CYP2F1: variants seen among roughly 807,000 people sequenced by gnomAD.
The protein encoded by CYP2F1 is cytochrome P450 family 2 subfamily F member 1.
CYP2F1 carries 33 observed loss-of-function variants against 40.4 expected under a neutral mutation model. The observed-to-expected ratio is 0.82, with a 90% CI of 0.62 to 1.09. The LOEUF is 1.09. CYP2F1 is among the 50% of genes least tolerant of loss of function. The pLI is 0.00. For missense variants in CYP2F1, 566 were observed against 655.7 expected, an observed-to-expected ratio of 0.86 and a Z score of 1.49; for synonymous variants, 235 against 277.2, an observed-to-expected ratio of 0.85 and a Z score of 1.51.
chr19:41,120,539 T>A, intron 4 of CYP2F1, 43 bp downstream of exon 4: 1 of 1,603,032 alleles, frequency 6.2e-7, no homozygotes, highest in Non-Finnish European at 8.5e-7. Context: ...CGATCTTTTT[T>A]TTTTTTAACA....
chr19:41,117,838 ATT>A (rs2031913245), intron 3 of CYP2F1, among the ~76,000 whole-genome samples: 1 of 70,910 alleles, frequency 1.4e-5, no homozygotes, highest in African/African-American at 5.2e-5. Context: ...AACTTTATTT[ATT>A]TATTTATTTA....
In CYP2F1 at chr19:41,128,173, C is replaced by T. The variant is rs553479743; in HGVS notation, c.*91C>T. ...TTCTTGGTCCACAGTCTGCCCTCAT[C>T]CCTCTGGCAGTCACGCTGTCTTCCC... On this transcript the variant is annotated 3_prime_UTR_variant, in exon 10 of 10. Coordinates refer to ENST00000331105, the MANE Select transcript of CYP2F1 (RefSeq NM_000774.5). 3.7e-5 allele frequency: 48 copies of T among 1,302,990 alleles called. 3 individuals carry two copies. In the East Asian group the frequency reaches 1.2e-3, roughly 31 times the overall value. 80.7% of individuals were successfully genotyped at this position (1,302,990 alleles called of 1,614,324 possible). A position where few individuals can be genotyped will look rare whatever the true frequency, so the allele number is the denominator to read the frequency against.
In CYP2F1 at chr19:41,116,531, C is replaced by T. The variant is rs1232929345; in HGVS notation, c.248C>T (p.Ala83Val). ...RRVVVLSGYQ[A>V]VKEALVDQGE... is the part of the protein sequence containing the mutation. ...GTGGTGGTCCTCAGCGGGTACCAAG[C>T]TGTGAAGGAGGCCCTGGTGGACCAG... Residue 83 changes from alanine to valine, a missense_variant, in exon 3 of 10, where the codon GCT (alanine) becomes GTT (valine). Around this residue, in one of 5 missense-constraint regions of CYP2F1, gnomAD observed 264 missense variants for 275.7 expected, o/e 0.96. Transcript: ENST00000331105. The T allele has an allele frequency of 2.5e-6, 4 of 1,613,890 alleles. No individual in the cohort carries two copies. The highest frequency in any genetic ancestry group is 3.4e-6 in the Non-Finnish European group (4 of 1,179,996).
At position 41,124,251 on chromosome 19, in the gene CYP2F1, C is replaced by CG. The variant is rs1318960899; in HGVS notation, c.965-468_965-467insG. 6.6e-4 allele frequency among the ~76,000 whole-genome samples: 68 copies of CG among 103,292 alleles called. 3 individuals are homozygous for CG. The highest frequency in any genetic ancestry group is 1.2e-3 in the South Asian group (3 of 2,420). 67.8% of individuals were successfully genotyped at this position (103,292 alleles called of 152,430 possible). A position where few individuals can be genotyped will look rare whatever the true frequency, so the allele number is the denominator to read the frequency against. ...TCTTTTTTTTTTTTCCTCTTCCCCC[C>CG]CCCCTTTTTTTTTTTTTTTTTTTTT... is the stretch of plus-strand genomic sequence containing the variant. On this transcript the variant is annotated intron_variant, in intron 7 of 9. Transcript: ENST00000331105.
intron 1 of CYP2F1, among the ~76,000 whole-genome samples, chr19:41,115,687 T>C (rs919856330): frequency 6.6e-6 from 1 of 150,780 alleles, no homozygotes; most frequent in Non-Finnish European, 1.5e-5. Context: ...AGACAGATGA[T>C]AGATGATAGA....
intron 3 of CYP2F1, among the ~76,000 whole-genome samples, chr19:41,117,841 T>C (rs1336959365): frequency 6.6e-5 from 10 of 151,716 alleles, no homozygotes; most frequent in Non-Finnish European, 1.0e-4. Context: ...TTTATTTATT[T>C]ATTTATTTAT....
At chr19:41,126,411 A>G (rs11879583) in intron 9 of CYP2F1, among the ~76,000 whole-genome samples, 36,272 of 151,610 alleles carry the variant, frequency 0.24, 4,674 homozygotes, top group African/African-American at 0.34. Flanking sequence ...GGCAACAAGA[A>G]CAAAACTCCA....
chr19:41,120,222 C>T (rs1009290405), intron 3 of CYP2F1, 125 bp from the exon 4 acceptor site: 1 of 946,470 alleles, frequency 1.1e-6, no homozygotes. Context: ...GAAGGGCTTA[C>T]TGGAAGGAGC....
Position 41,127,969 on chromosome 19 carries a change from C to T in CYP2F1, c.1363C>T (p.Gln455Ter). Reference sequence around the variant, plus strand: ...CTTTCTGTACCTCACCGCCATCCTGCAGAGCTTTTCGCTGCAGCCGCTGGG... The same window carrying T: ...CTTTCTGTACCTCACCGCCATCCTGTAGAGCTTTTCGCTGCAGCCGCTGGG... The part of the protein sequence containing the change: ...ELFLYLTAIL[Q>*]SFSLQPLGAP... Residue 455 changes from glutamine to a stop codon, truncating the protein, a stop_gained, in exon 10 of 10, where the codon CAG (glutamine) becomes TAG (stop). Transcript: ENST00000331105. LOFTEE classifies it low-confidence loss of function (END_TRUNC). 1.2e-6 allele frequency: 2 copies of T among 1,613,544 alleles called. No homozygotes were observed. Among genetic ancestry groups the T allele is most frequent in the Non-Finnish European group, 1.7e-6 (2 of 1,180,000 alleles).
In CYP2F1 at chr19:41,121,567, T is replaced by C. The variant is rs2032204510; in HGVS notation, c.594T>C (p.Ile198=). The change falls in exon 5 of 10, where the codon ATT becomes ATC. Residue 198 remains isoleucine (I), a synonymous_variant. Coordinates refer to ENST00000331105, the MANE Select transcript of CYP2F1 (RefSeq NM_000774.5). Reference sequence around the variant, plus strand: ...ATGATGATGAGCGTCTGCTCACCATTATCCGCCTTATCAATGACAACTTCC... The same window carrying C: ...ATGATGATGAGCGTCTGCTCACCATCATCCGCCTTATCAATGACAACTTCC... ...FDYDDERLLT[I]IRLINDNFQI... 5 of 1,610,070 alleles carry C rather than the reference T, an allele frequency of 3.1e-6. No homozygotes were observed. The highest frequency in any genetic ancestry group is 4.2e-6 in the Non-Finnish European group (5 of 1,179,680).
intron 6 of CYP2F1, among the ~76,000 whole-genome samples, chr19:41,122,491 T>TAC (rs1405279694): frequency 1.3e-5 from 2 of 151,514 alleles, no homozygotes; most frequent in South Asian, 2.1e-4. Context: ...CACACATACA[T>TAC]ACACACACAC....
chr19:41,123,486 G>T (rs1803528298), intron 7 of CYP2F1: 4 of 332,012 alleles, frequency 1.2e-5, no homozygotes. Flanking sequence ...CCAAAGTGCT[G>T]GGATTACAGG....
chr19:41,124,910 C>G lies in CYP2F1; in HGVS notation c.1152+4C>G. On this transcript the variant is annotated splice_donor_region_variant and intron_variant, in intron 8 of 9. Transcript: ENST00000331105. ...TCGCGGCTTCCTGATACCCAAGGTG[C>G]GCTAGGCCTGGCAAACGACATCAGG... 6.3e-7 allele frequency: 1 copy of G among 1,596,160 alleles called. No individual in the cohort carries two copies. The highest frequency in any genetic ancestry group is 2.2e-5 in the East Asian group (1 of 44,628).
chr19:41,119,748 T>TACACACACACACAC (rs147688839), intron 3 of CYP2F1, among the ~76,000 whole-genome samples: 8 of 36,104 alleles, frequency 2.2e-4, no homozygotes, highest in African/African-American at 6.5e-4. Flanking sequence ...TATATATATA[T>TACACACACACACAC]ACACACACAC....
At chr19:41,126,137 A>G (rs2032537161) in intron 9 of CYP2F1, among the ~76,000 whole-genome samples, 1 of 151,176 alleles carries the variant, frequency 6.6e-6, no homozygotes, top group African/African-American at 2.4e-5. Flanking sequence ...AATGATAATA[A>G]TTTAACAGCC....
Position 41,116,364 on chromosome 19 carries a change from A to G in CYP2F1, c.171+5A>G, listed in dbSNP as rs772011895. On this transcript the variant is annotated splice_donor_5th_base_variant and intron_variant, in intron 2 of 9. Coordinates refer to ENST00000331105, the MANE Select transcript of CYP2F1 (RefSeq NM_000774.5). ...ATGCTGACTTCTCTCACTAAGGTGC[A>G]AGGCCCTTAGCTTGGGTGATGGTGG... 2 of 1,613,732 alleles carry G rather than the reference A, an allele frequency of 1.2e-6. No individual in the cohort carries two copies. Among genetic ancestry groups the G allele is most frequent in the South Asian group, 2.2e-5 (2 of 91,054 alleles).
intron 9 of CYP2F1, among the ~76,000 whole-genome samples, chr19:41,126,739 C>T (rs2032560215): frequency 6.6e-6 from 1 of 151,378 alleles, no homozygotes; most frequent in African/African-American, 2.4e-5. Flanking sequence ...GGCAACAGAG[C>T]GAGATCCTTT....
At chr19:41,126,949 G>C (rs1282571808) in intron 9 of CYP2F1, among the ~76,000 whole-genome samples, 1 of 151,976 alleles carries the variant, frequency 6.6e-6, no homozygotes, top group Non-Finnish European at 1.5e-5. Context: ...TCTTTACTCA[G>C]TGGCAGGAAA....
chr19:41,126,018 C>T (rs528408630), intron 9 of CYP2F1, among the ~76,000 whole-genome samples: 1 of 151,714 alleles, frequency 6.6e-6, no homozygotes, highest in Non-Finnish European at 1.5e-5. Context: ...ATGTAGTCCC[C>T]GCTACTCTGG....
Sources: gnomAD v4.1 joint callset for allele counts (sites outside exome capture counted in the v4.1 genomes callset) on GRCh38, gnomAD v4.1.1 for gene constraint, gnomAD v4.1.1 regional missense constraint, MANE v1.5 for transcripts, NCBI Gene and HGNC (gene_info 2026-07-23, HGNC 2026-07-21) for gene names.